The following CSMD1 variants were observed in gnomAD, a reference collection of about 807,000 sequenced individuals.
CSMD1 encodes the protein CUB and sushi domain-containing protein 1.
CSMD1 carries 213 observed loss-of-function variants against 417.5 expected under a neutral mutation model. The ratio of observed to expected loss-of-function variants is 0.51; its 90% CI spans 0.46 to 0.57. The LOEUF (loss-of-function observed/expected upper bound fraction) is 0.57. Ranked by LOEUF, CSMD1 falls within the 20% of genes least tolerant of loss-of-function variation. The pLI is 0.00. For synonymous variants in CSMD1, 2,862 were observed against 1,736.8 expected (o/e 1.65, Z -16.11); for missense variants, 6,923 against 4,529.7 (o/e 1.53, Z -15.17).
chr8:4,218,810 G>T (rs918869622), intron 3 of CSMD1, among the ~76,000 whole-genome samples: 12 of 152,096 alleles, frequency 7.9e-5, no homozygotes, highest in African/African-American at 2.9e-4. Context: ...TGTTTTCTCA[G>T]TGTCAATCCT....
At position 4,525,420 on chromosome 8, in the gene CSMD1, G is replaced by A. The variant is rs983353535; in HGVS notation, c.303-105355C>T. Among the ~76,000 whole-genome samples, 10 of 152,172 alleles carry A rather than the reference G, an allele frequency of 6.6e-5. No individual in the cohort carries two copies. The East Asian group carries it at 1.9e-3, about 30-fold the overall frequency. On this transcript the variant is annotated intron_variant, in intron 2 of 69. Coordinates refer to ENST00000635120, the MANE Select transcript of CSMD1 (RefSeq NM_033225.6). ...CACCAACTGTCATTCCCAACAATGG[G>A]AATGCTCTACTTTAACCATGAGCTG...
rs138464549 is a variant in CSMD1, at chr8:4,966,887, G to A, written c.85+27445C>T. Among the ~76,000 whole-genome samples the A allele has an allele frequency of 3.8e-3, 581 of 152,176 alleles. 4 individuals are homozygous for A. The highest frequency in any genetic ancestry group is 3.0e-3 in the Non-Finnish European group (205 of 68,004). On this transcript the variant is annotated intron_variant, in intron 1 of 69. Transcript: ENST00000635120. ...TCATCTTTCCCTTATTCACAAGCAC[G>A]GTTAAAAATATCAACTAAAGTGACT...
At chr8:3,002,136 C>T (rs1178622247) in intron 52 of CSMD1, among the ~76,000 whole-genome samples, 2 of 152,150 alleles carry the variant, frequency 1.3e-5, no homozygotes, top group Non-Finnish European at 2.9e-5. Flanking sequence ...TAAGTCAGTT[C>T]TGGTGATTTG....
chr8:4,451,478 C>T (rs1799141947), intron 2 of CSMD1, among the ~76,000 whole-genome samples: 1 of 152,160 alleles, frequency 6.6e-6, no homozygotes, highest in Non-Finnish European at 1.5e-5. Context: ...TCTCCTAAAG[C>T]TTACCCATAG....
intron 1 of CSMD1, among the ~76,000 whole-genome samples, chr8:4,815,173 C>A (rs947799022): frequency 2.6e-5 from 4 of 152,036 alleles, no homozygotes. Context: ...ATGAATGTCT[C>A]CAGATCAATA....
At chr8:3,829,092 T>A (rs1418458168) in intron 5 of CSMD1, among the ~76,000 whole-genome samples, 2 of 152,108 alleles carry the variant, frequency 1.3e-5, no homozygotes, top group African/African-American at 4.8e-5. Flanking sequence ...GAGCAAGTTC[T>A]TTAGTGGAGT....
chr8:3,753,907 C>A, intron 6 of CSMD1, 23 bp downstream of exon 6: 1 of 1,356,124 alleles, frequency 7.4e-7, no homozygotes, highest in South Asian at 1.3e-5. Context: ...TTTTTTTTTT[C>A]TTATAAGATG....
intron 6 of CSMD1, among the ~76,000 whole-genome samples, chr8:3,732,351 A>G (rs1242280048): frequency 1.3e-5 from 2 of 152,076 alleles, no homozygotes; most frequent in African/African-American, 4.8e-5. Context: ...CAGCCTCACC[A>G]TAGTAAACCA....
At chr8:3,711,928 A>T (rs1801529231) in intron 6 of CSMD1, among the ~76,000 whole-genome samples, 1 of 152,198 alleles carries the variant, frequency 6.6e-6, no homozygotes, top group Non-Finnish European at 1.5e-5. Context: ...CTCAGAATCT[A>T]AACAGAAAAT....
intron 2 of CSMD1, among the ~76,000 whole-genome samples, chr8:4,459,200 C>T (rs960274101): frequency 6.6e-6 from 1 of 152,180 alleles, no homozygotes; most frequent in Non-Finnish European, 1.5e-5. Context: ...CAGGCCATGT[C>T]GCTTTCAAGT....
intron 5 of CSMD1, among the ~76,000 whole-genome samples, chr8:3,977,554 T>G (rs1813532184): frequency 6.6e-6 from 1 of 152,210 alleles, no homozygotes; most frequent in African/African-American, 2.4e-5. Context: ...GCAAACATTT[T>G]TAATACTTTG....
At chr8:4,758,392 G>A (rs945066605) in intron 1 of CSMD1, among the ~76,000 whole-genome samples, 11 of 152,134 alleles carry the variant, frequency 7.2e-5, no homozygotes, top group African/African-American at 2.4e-4. Context: ...AATCCTGGTA[G>A]AATGAGCAAG....
chr8:3,800,812 C>T (rs1800413986), intron 5 of CSMD1, among the ~76,000 whole-genome samples: 1 of 152,060 alleles, frequency 6.6e-6, no homozygotes, highest in African/African-American at 2.4e-5. Flanking sequence ...TGCCCACTTC[C>T]CCTTTGACCT....
intron 12 of CSMD1, among the ~76,000 whole-genome samples, chr8:3,449,417 C>A (rs1169494381): frequency 1.3e-5 from 2 of 152,004 alleles, no homozygotes; most frequent in Non-Finnish European, 2.9e-5. Context: ...ACCCCAGGCT[C>A]CCACCATGCC....
chr8:4,636,498 T>A (rs2130856611), intron 2 of CSMD1, among the ~76,000 whole-genome samples: 1 of 152,312 alleles, frequency 6.6e-6, no homozygotes, highest in South Asian at 2.1e-4. Flanking sequence ...TTTCACTGAA[T>A]ATATTCTCTG....
chr8:3,265,531 A>C (rs1355675443), intron 26 of CSMD1, among the ~76,000 whole-genome samples: 1 of 152,114 alleles, frequency 6.6e-6, no homozygotes, highest in East Asian at 1.9e-4. Context: ...TGAGTCTTAG[A>C]GAGAGGGAGT....
At chr8:3,459,330 G>C (rs1585196671) in intron 12 of CSMD1, among the ~76,000 whole-genome samples, 2 of 152,298 alleles carry the variant, frequency 1.3e-5, no homozygotes, top group East Asian at 3.9e-4. Context: ...CTGACGTGGG[G>C]CACAGGGTAC....
At chr8:4,230,632 T>G (rs1396753090) in intron 3 of CSMD1, among the ~76,000 whole-genome samples, 1 of 152,180 alleles carries the variant, frequency 6.6e-6, no homozygotes, top group Non-Finnish European at 1.5e-5. Flanking sequence ...CCCCCAAATT[T>G]GTGACTACCA....
At chr8:3,303,627 G>A (rs1399450666) in intron 25 of CSMD1, among the ~76,000 whole-genome samples, 2 of 152,174 alleles carry the variant, frequency 1.3e-5, no homozygotes, top group African/African-American at 2.4e-5. Flanking sequence ...TGGCAGAAAA[G>A]CAATTAAAGC....
Sources: gnomAD v4.1 joint callset for allele counts (sites outside exome capture counted in the v4.1 genomes callset) on GRCh38, gnomAD v4.1.1 for gene constraint, MANE v1.5 for transcripts, NCBI Gene and HGNC (gene_info 2026-07-23, HGNC 2026-07-21) for gene names.